Variants in RXRA observed in about 807,000 individuals in gnomAD.
The protein encoded by RXRA is retinoic acid receptor RXR-alpha.
In RXRA, 5 loss-of-function variants were observed where a neutral mutation model predicts 44.5. The ratio of observed to expected loss-of-function variants is 0.11; its 90% confidence interval spans 0.06 to 0.24. The LOEUF (loss-of-function observed/expected upper bound fraction) is 0.24, where lower values mean the gene tolerates loss of function less well. Ranked by LOEUF, RXRA falls within the 10% of genes least tolerant of loss-of-function variation. The pLI is 1.00. For missense variants in RXRA, 412 were observed against 646.5 expected, an observed-to-expected ratio of 0.64 and a Z score of 3.93; for synonymous variants, 291 against 271.4, an observed-to-expected ratio of 1.07 and a Z score of -0.71.
At chr9:134,347,488 G>C (rs1264582617) in intron 1 of RXRA, among the ~76,000 whole-genome samples, 1 of 152,214 alleles carries the variant, frequency 6.6e-6, no homozygotes, top group African/African-American at 2.4e-5. Context: ...TGCCGAGCAG[G>C]AGGGGGGCCT....
At chr9:134,424,372 A>ACTC (rs1220972322) in intron 6 of RXRA, 1 of 985,122 alleles carries the variant, frequency 1.0e-6, no homozygotes, top group African/African-American at 1.7e-5. Context: ...CTGCGGCTGC[A>ACTC]TGTCTCTGAG....
intron 7 of RXRA, among the ~76,000 whole-genome samples, chr9:134,430,403 A>C (rs1359608831): frequency 6.6e-6 from 1 of 152,222 alleles, no homozygotes; most frequent in Non-Finnish European, 1.5e-5. Context: ...GTTAGAGGTG[A>C]GTAGAGGCCA....
At chr9:134,336,464 C>G (rs1004976091) in intron 1 of RXRA, among the ~76,000 whole-genome samples, 9 of 152,214 alleles carry the variant, frequency 5.9e-5, no homozygotes, top group Admixed American at 2.0e-4. Context: ...CTTCTTCCCT[C>G]TTCGTCTTGA....
intron 1 of RXRA, among the ~76,000 whole-genome samples, chr9:134,392,557 C>T (rs1472908464): frequency 6.6e-6 from 1 of 152,178 alleles, no homozygotes; most frequent in Non-Finnish European, 1.5e-5. Context: ...CACGGCTCTC[C>T]TCTGGCTTCC....
chr9:134,340,347 G>A (rs764288182), intron 1 of RXRA, among the ~76,000 whole-genome samples: 6 of 152,184 alleles, frequency 3.9e-5, no homozygotes, highest in African/African-American at 1.2e-4. Context: ...TTTGGCCATC[G>A]TGGGGATGGT....
intron 6 of RXRA, among the ~76,000 whole-genome samples, chr9:134,428,082 CCT>C (rs1214954759): frequency 6.6e-6 from 1 of 152,192 alleles, no homozygotes; most frequent in African/African-American, 2.4e-5. Flanking sequence ...CGCGAGGGTC[CCT>C]GTTTCTTCCT....
intron 4 of RXRA, among the ~76,000 whole-genome samples, chr9:134,409,396 G>A (rs1397589294): frequency 6.6e-6 from 1 of 152,224 alleles, no homozygotes; most frequent in Non-Finnish European, 1.5e-5. Flanking sequence ...GCTTAGGTTG[G>A]AGAGGTGGAG....
intron 1 of RXRA, among the ~76,000 whole-genome samples, chr9:134,388,150 T>C (rs1282720892): frequency 6.7e-6 from 1 of 149,620 alleles, no homozygotes; most frequent in Non-Finnish European, 1.5e-5. Context: ...AGGTTTGAGT[T>C]TGTATTAAGT....
Position 134,437,497 on chromosome 9 carries a change from G to T in RXRA, c.*883G>T, listed in dbSNP as rs545356639. 6.6e-6 allele frequency: 1 copy of T among 152,550 alleles called. No homozygotes were observed. Among genetic ancestry groups the T allele is most frequent in the African/African-American group, 2.4e-5 (1 of 41,566 alleles). The allele number at this position is 152,550 out of a possible 1,614,324, so 9.4% of individuals were successfully genotyped here. On this transcript the variant is annotated 3_prime_UTR_variant, in exon 10 of 10. Coordinates refer to ENST00000481739, the MANE Select transcript of RXRA (RefSeq NM_002957.6). ...TTCCTGCAGGGCTGGCCCTGGCTCGGGCAGGGTGGGGCATCACCACCTCAC... is the reference window on the plus strand; with the variant it reads ...TTCCTGCAGGGCTGGCCCTGGCTCGTGCAGGGTGGGGCATCACCACCTCAC...
At chr9:134,408,823 C>T in intron 3 of RXRA, 117 bp from the exon 4 acceptor site, 3 of 958,694 alleles carry the variant, frequency 3.1e-6, no homozygotes, top group Non-Finnish European at 4.6e-6. Context: ...GTCTGGAGAC[C>T]AGCAGGTCCC....
rs1487654542 is a variant in RXRA at position 134,433,967 on chromosome 9, C to T, written c.1136-135C>T. On this transcript the variant is annotated intron_variant, in intron 8 of 9. Coordinates refer to ENST00000481739, the MANE Select transcript of RXRA (RefSeq NM_002957.6). This position sits in a 1 kb window ranked among gnomAD's most constrained non-coding sequence, Gnocchi z 4.2. Reference sequence around the variant, plus strand: ...CTGGGGGAGCGGGCGGAGGCATGTCCAGCGGCATTCCTCCACCACCTGCTC... The same window carrying T: ...CTGGGGGAGCGGGCGGAGGCATGTCTAGCGGCATTCCTCCACCACCTGCTC... 1 of 634,474 alleles carries T rather than the reference C, an allele frequency of 1.6e-6. No individual in the cohort carries two copies. The highest frequency in any genetic ancestry group is 2.8e-6 in the Non-Finnish European group (1 of 363,276). 39.3% of individuals were successfully genotyped at this position (634,474 alleles called of 1,614,324 possible). A position where few individuals can be genotyped will look rare whatever the true frequency, so the allele number is the denominator to read the frequency against.
intron 9 of RXRA, among the ~76,000 whole-genome samples, chr9:134,434,695 G>C (rs1588312202): frequency 6.6e-6 from 1 of 152,252 alleles, no homozygotes; most frequent in Non-Finnish European, 1.5e-5. Context: ...GCCCTGGAAG[G>C]GCTGGGGCTC....
rs1353590820 is a variant in RXRA at position 134,407,245 on chromosome 9, G to A, written c.280-904G>A. Among the ~76,000 whole-genome samples, 1 of 152,262 alleles carries A rather than the reference G, an allele frequency of 6.6e-6. No individual in the cohort carries two copies. Among genetic ancestry groups the A allele is most frequent in the African/African-American group, 2.4e-5 (1 of 41,472 alleles). On this transcript the variant is annotated intron_variant, in intron 2 of 9. Coordinates refer to ENST00000481739, the MANE Select transcript of RXRA (RefSeq NM_002957.6). The surrounding 1 kb of genome is among the most constrained non-coding windows in gnomAD (Gnocchi z 4.8). The stretch of plus-strand genomic sequence containing the variant: ...CTCTTCCTGTCCCGTGAGAAGGGGG[G>A]ATGGGATTTGGAGGCCTGAGGAAGG...
At chr9:134,379,113 C>T (rs1314107615) in intron 1 of RXRA, among the ~76,000 whole-genome samples, 1 of 152,210 alleles carries the variant, frequency 6.6e-6, no homozygotes, top group Non-Finnish European at 1.5e-5. Flanking sequence ...TGTGGGGCCA[C>T]CCGGCTCCTC....
rs1283385752 is a variant in RXRA at position 134,436,703 on chromosome 9, C to T, written c.*89C>T. 2.0e-6 allele frequency: 3 copies of T among 1,497,732 alleles called. No individual in the cohort carries two copies. Among genetic ancestry groups the T allele is most frequent in the Non-Finnish European group, 2.7e-6 (3 of 1,094,662 alleles). The allele number at this position is 1,497,732 out of a possible 1,614,324, so 92.8% of individuals were successfully genotyped here. A position where few individuals can be genotyped will look rare whatever the true frequency, so the allele number is the denominator to read the frequency against. On this transcript the variant is annotated 3_prime_UTR_variant, in exon 10 of 10. Transcript: ENST00000481739. ...TCTCAGCCTGAGCCCTGTCCCTGCC[C>T]TTCTCTGCCTGGCCTGTTTGGACTT...
chr9:134,423,054 T>G, intron 6 of RXRA: 1 of 985,468 alleles, frequency 1.0e-6, no homozygotes. Flanking sequence ...TTTGGGGTTT[T>G]GGGGTCAGGT....
intron 1 of RXRA, among the ~76,000 whole-genome samples, chr9:134,337,087 ATGTG>A (rs1554747408): frequency 6.6e-6 from 1 of 152,032 alleles, no homozygotes; most frequent in Non-Finnish European, 1.5e-5. Context: ...CGTGTTGGAG[ATGTG>A]GCTGCCACCG....
At chr9:134,390,520 G>A (rs899258153) in intron 1 of RXRA, among the ~76,000 whole-genome samples, 2 of 152,200 alleles carry the variant, frequency 1.3e-5, no homozygotes, top group Non-Finnish European at 2.9e-5. Context: ...TGGCCACGGG[G>A]TGGTTTGTCT....
intron 1 of RXRA, among the ~76,000 whole-genome samples, chr9:134,382,292 T>TGC (rs533339513): frequency 0.015 from 2,307 of 151,098 alleles, 52 homozygotes; most frequent in African/African-American, 0.053. Context: ...TGTGTGTGTG[T>TGC]GCGCTTTTGA....
Sources: gnomAD v4.1 joint callset for allele counts (sites outside exome capture counted in the v4.1 genomes callset) on GRCh38, gnomAD v4.1.1 for gene constraint, Gnocchi (gnomAD v3.1) non-coding constraint, MANE v1.5 for transcripts, NCBI Gene and HGNC (gene_info 2026-07-23, HGNC 2026-07-21) for gene names.